UBASH3B: variants seen among roughly 807,000 people sequenced by gnomAD.
The protein encoded by UBASH3B is ubiquitin-associated and SH3 domain-containing protein B.
In UBASH3B, 37 loss-of-function variants were observed where a neutral mutation model predicts 83.4. The observed-to-expected ratio is 0.44, with a 90% confidence interval of 0.34 to 0.58. UBASH3B has a LOEUF of 0.58. UBASH3B is among the 20% of genes least tolerant of loss of function. UBASH3B has a pLI of 0.01. For synonymous variants in UBASH3B, 304 were observed against 318.3 expected (o/e 0.96, Z 0.48); for missense variants, 657 against 827.2 (o/e 0.79, Z 2.52).
intron 1 of UBASH3B, among the ~76,000 whole-genome samples, chr11:122,680,249 C>T (rs1384016384): frequency 6.6e-6 from 1 of 152,218 alleles, no homozygotes; most frequent in African/African-American, 2.4e-5. Flanking sequence ...CTGTGGGTTT[C>T]TGTATCTTCA....
intron 1 of UBASH3B, among the ~76,000 whole-genome samples, chr11:122,753,774 C>A (rs1035895667): frequency 6.6e-6 from 1 of 152,074 alleles, no homozygotes; most frequent in Non-Finnish European, 1.5e-5. Context: ...GGATTACAGG[C>A]GTGAGCCACC....
intron 1 of UBASH3B, among the ~76,000 whole-genome samples, chr11:122,671,523 C>A (rs1394923382): frequency 1.3e-5 from 2 of 152,216 alleles, no homozygotes; most frequent in African/African-American, 4.8e-5. Flanking sequence ...TTCCTCCAAA[C>A]GTAAGACCAC....
chr11:122,724,527 C>T (rs4936733), intron 1 of UBASH3B, among the ~76,000 whole-genome samples: 147,308 of 152,258 alleles, frequency 0.97, 71,421 homozygotes, highest in Middle Eastern at 1. Context: ...ACATAGGGAA[C>T]GCTGTAATAG....
chr11:122,719,387 T>A (rs529499174), intron 1 of UBASH3B, among the ~76,000 whole-genome samples: 2 of 152,366 alleles, frequency 1.3e-5, no homozygotes, highest in South Asian at 4.1e-4. Flanking sequence ...TTAGGAAACT[T>A]AACATGGCTT....
At chr11:122,680,853 C>T (rs191568289) in intron 1 of UBASH3B, among the ~76,000 whole-genome samples, 5 of 152,266 alleles carry the variant, frequency 3.3e-5, no homozygotes, top group South Asian at 2.1e-4. Flanking sequence ...GTAAAGGATG[C>T]GTAAAAGGCA....
At chr11:122,711,032 A>G (rs1042439211) in intron 1 of UBASH3B, among the ~76,000 whole-genome samples, 2 of 152,236 alleles carry the variant, frequency 1.3e-5, no homozygotes, top group African/African-American at 4.8e-5. Flanking sequence ...TCAATGGGTT[A>G]GGAAGTGTGG....
chr11:122,750,902 T>C (rs1195643011), intron 1 of UBASH3B, among the ~76,000 whole-genome samples: 2 of 152,224 alleles, frequency 1.3e-5, no homozygotes, highest in Non-Finnish European at 2.9e-5. Flanking sequence ...GAACATGCCT[T>C]GAGATCCTTG....
rs1861477647 is a variant in UBASH3B at position 122,813,070 on chromosome 11, G to C, written c.*3184G>C. On this transcript the variant is annotated 3_prime_UTR_variant, in exon 14 of 14. Transcript: ENST00000284273. ...ACTTTAACCAAAGAATTATTTTAAA[G>C]TAACCTTATATTTAAAAGATGATTT... is the stretch of plus-strand genomic sequence containing the variant. 6.6e-6 allele frequency: 1 copy of C among 152,512 alleles called. No individual in the cohort carries two copies. Among genetic ancestry groups the C allele is most frequent in the African/African-American group, 2.4e-5 (1 of 41,408 alleles). 9.4% of individuals were successfully genotyped at this position (152,512 alleles called of 1,614,324 possible).
intron 4 of UBASH3B, chr11:122,782,839 G>T: frequency 1.8e-6 from 1 of 565,282 alleles, no homozygotes. Flanking sequence ...AAAGCCGTAT[G>T]GTGGCTATCT....
chr11:122,672,690 A>G (rs1195092971), intron 1 of UBASH3B, among the ~76,000 whole-genome samples: 1 of 152,158 alleles, frequency 6.6e-6, no homozygotes, highest in South Asian at 2.1e-4. Flanking sequence ...AGTTCACAAG[A>G]AAAAACAACT....
At chr11:122,659,461 T>C (rs1863406598) in intron 1 of UBASH3B, among the ~76,000 whole-genome samples, 1 of 152,132 alleles carries the variant, frequency 6.6e-6, no homozygotes, top group African/African-American at 2.4e-5. Flanking sequence ...GCTTCCCTCC[T>C]CTACTTCAAC....
rs561685666 is a variant in UBASH3B, at chr11:122,705,762, G to C, written c.161+49552G>C. ...CCTCATGTAGTTAATAGGGAGGCTG[G>C]GGGGCTTTGAGAGTAGAAAGAAAAT... is the stretch of plus-strand genomic sequence containing the variant. On this transcript the variant is annotated intron_variant, in intron 1 of 13. Coordinates refer to ENST00000284273, the MANE Select transcript of UBASH3B (RefSeq NM_032873.5). 8.5e-5 allele frequency among the ~76,000 whole-genome samples: 13 copies of C among 152,276 alleles called. No homozygotes were observed. The South Asian group carries it at 2.7e-3, about 32-fold the overall frequency.
rs752965204 is a variant in UBASH3B at position 122,796,267 on chromosome 11, G to A, written c.1225G>A (p.Asp409Asn). The change falls in exon 8 of 14, where the codon GAT (aspartate) becomes AAT (asparagine). Residue 409 changes from aspartate (D) to asparagine (N), a missense_variant. By Grantham distance (23) the Asp-to-Asn change is conservative (BLOSUM62 1). Coordinates refer to ENST00000284273, the MANE Select transcript of UBASH3B (RefSeq NM_032873.5). ...GAAGTACTGGCTGTCCCAGTGCTTCGATGCCAAAGGTGAGTTGGTGGTGGG... is the reference window on the plus strand; with the variant it reads ...GAAGTACTGGCTGTCCCAGTGCTTCAATGCCAAAGGTGAGTTGGTGGTGGG... ...FGKYWLSQCF[D>N]AKGRYIRTNL... 22 of 1,613,948 alleles carry A rather than the reference G, an allele frequency of 1.4e-5. No homozygotes were observed. The highest frequency in any genetic ancestry group is 2.2e-5 in the East Asian group (1 of 44,894).
At chr11:122,680,925 G>T (rs1270698816) in intron 1 of UBASH3B, among the ~76,000 whole-genome samples, 1 of 152,174 alleles carries the variant, frequency 6.6e-6, no homozygotes, top group Non-Finnish European at 1.5e-5. Flanking sequence ...TGTCAGAGCT[G>T]CCGTGTCAAA....
intron 1 of UBASH3B, among the ~76,000 whole-genome samples, chr11:122,765,648 A>T (rs549463768): frequency 6.6e-6 from 1 of 152,190 alleles, no homozygotes; most frequent in South Asian, 2.1e-4. Context: ...GTTGATAATT[A>T]ATTAACCACT....
chr11:122,798,911 C>T (rs1213527077), intron 9 of UBASH3B, 31 bp from the exon 10 acceptor site: 1 of 1,600,172 alleles, frequency 6.2e-7, no homozygotes, highest in Admixed American at 1.7e-5. Context: ...GTAAATCCAT[C>T]AGACTGATTT....
chr11:122,715,699 G>A (rs1340607077), intron 1 of UBASH3B, among the ~76,000 whole-genome samples: 1 of 151,986 alleles, frequency 6.6e-6, no homozygotes, highest in African/African-American at 2.4e-5. Context: ...TCTCAAAACA[G>A]GGGATAATTA....
chr11:122,701,931 G>A (rs768351037), intron 1 of UBASH3B, among the ~76,000 whole-genome samples: 11 of 152,124 alleles, frequency 7.2e-5, no homozygotes, highest in African/African-American at 1.2e-4. Flanking sequence ...CATGCTCACC[G>A]CAGCCTCAAA....
chr11:122,779,836 A>G, intron 4 of UBASH3B, 141 bp downstream of exon 4: 1 of 1,000,694 alleles, frequency 1.0e-6, no homozygotes, highest in Non-Finnish European at 1.5e-6. Context: ...TGACAAAAAA[A>G]CAGCCTTTTC....
Sources: gnomAD v4.1 joint callset for allele counts (sites outside exome capture counted in the v4.1 genomes callset) on GRCh38, gnomAD v4.1.1 for gene constraint, MANE v1.5 for transcripts, NCBI Gene and HGNC (gene_info 2026-07-23, HGNC 2026-07-21) for gene names.